ARHGAP29: variants seen among roughly 807,000 people sequenced by gnomAD.
ARHGAP29 encodes the protein Rho GTPase activating protein 29.
In ARHGAP29, 43 loss-of-function variants were observed where a neutral mutation model predicts 122.6. The observed-to-expected ratio is 0.35, with a 90% CI of 0.27 to 0.45. ARHGAP29 has a LOEUF of 0.45. Ranked by LOEUF, ARHGAP29 falls within the 20% of genes least tolerant of loss-of-function variation. The pLI, the probability that ARHGAP29 is intolerant of heterozygous loss-of-function variation, is 1.00. For synonymous variants in ARHGAP29, 506 were observed against 497.1 expected, an observed-to-expected ratio of 1.02 and a Z score of -0.24; for missense variants, 1,303 against 1,477.2, an observed-to-expected ratio of 0.88 and a Z score of 1.93.
At chr1:94,285,915 A>T in the ARHGAP29 span, among the ~76,000 whole-genome samples, 1 of 151,942 alleles carries the variant, frequency 6.6e-6, no homozygotes, top group Non-Finnish European at 1.5e-5. Flanking sequence ...ACTACATTCA[A>T]GCCCCAGTGA....
chr1:94,209,117 C>G, intron 4 of ARHGAP29, 137 bp downstream of exon 4: 1 of 796,722 alleles, frequency 1.3e-6, no homozygotes, highest in Non-Finnish European at 2.0e-6. Context: ...TAAGGCCATA[C>G]AGAAGGTAGT....
At chr1:94,245,926 T>C (rs564117829) in intron 1 of ARHGAP29, among the ~76,000 whole-genome samples, 3 of 151,768 alleles carry the variant, frequency 2.0e-5, no homozygotes, top group Admixed American at 2.0e-4. Context: ...CAAGAGCCTT[T>C]ACATGTGAGG....
chr1:94,202,382 TA>T (rs1650901329), intron 11 of ARHGAP29, 161 bp downstream of exon 11: 4 of 773,418 alleles, frequency 5.2e-6, no homozygotes, highest in Non-Finnish European at 8.2e-6. Context: ...GAGAGCCTAT[TA>T]AAAAATGTTG....
At chr1:94,220,537 G>A (rs1445039521) in intron 2 of ARHGAP29, 145 bp from the exon 3 acceptor site, 1 of 621,848 alleles carries the variant, frequency 1.6e-6, no homozygotes. Flanking sequence ...CTTCACTGCT[G>A]CAATTATATA....
At chr1:94,265,902 T>C (rs1570624271) in intron 1 of ARHGAP29, among the ~76,000 whole-genome samples, 2 of 152,192 alleles carry the variant, frequency 1.3e-5, no homozygotes, top group Non-Finnish European at 1.5e-5. Flanking sequence ...TCTTGGTTCA[T>C]GGGAGCCAAA....
chr1:94,277,876 G>A (rs563326103), upstream of ARHGAP29, among the ~76,000 whole-genome samples: 66 of 152,292 alleles, frequency 4.3e-4, no homozygotes, highest in African/African-American at 1.4e-3. Context: ...ATCAATTGCT[G>A]ATGGGTTCTC....
chr1:94,189,359 C>T lies in ARHGAP29; in HGVS notation c.1440-7G>A, dbSNP rs771709795. The T allele has an allele frequency of 1.9e-6, 3 of 1,600,594 alleles. No individual in the cohort carries two copies. Among genetic ancestry groups the T allele is most frequent in the Admixed American group, 3.5e-5 (2 of 57,284 alleles). On this transcript the variant is annotated splice_polypyrimidine_tract_variant and splice_region_variant and intron_variant, in intron 13 of 22. Transcript: ENST00000260526. ...TAAATGTTTATTTACATTTCTGAAA[C>T]AACAACAATGACAAAAAACAAAACT... is the stretch of plus-strand genomic sequence containing the variant.
At chr1:94,256,534 A>ATTTTT (rs1413770496) in intron 1 of ARHGAP29, among the ~76,000 whole-genome samples, 2 of 78,666 alleles carry the variant, frequency 2.5e-5, no homozygotes, top group African/African-American at 1.1e-4. Flanking sequence ...AACAGTACTA[A>ATTTTT]TCTTTTTTTT....
At chr1:94,197,236 C>T (rs1307522752) in intron 12 of ARHGAP29, among the ~76,000 whole-genome samples, 1 of 151,928 alleles carries the variant, frequency 6.6e-6, no homozygotes, top group Admixed American at 6.6e-5. Context: ...CTACAAGACA[C>T]ACTGTGCACA....
chr1:94,304,567 T>A, the ARHGAP29 span, among the ~76,000 whole-genome samples: 2 of 152,370 alleles, frequency 1.3e-5, no homozygotes, highest in South Asian at 4.1e-4. Flanking sequence ...CAACACATAA[T>A]GTACTGCTTA....
Position 94,179,807 on chromosome 1 carries a change from G to T in ARHGAP29, c.2398C>A (p.Leu800Ile), listed in dbSNP as rs1239187493. ...CTTAGAAGGTCTTTGCTTTTTAGAA[G>T]AATTCGGTTTATTTCTATACACATA... ...PNMCIEINRI[L>I]LKSKDLLRQL... is the part of the protein sequence containing the mutation. The change falls in exon 20 of 23, where the codon CTT becomes ATT. Residue 800 changes from leucine (L) to isoleucine (I), a missense_variant. Around this residue, in one of 3 missense-constraint regions of ARHGAP29, gnomAD observed 620 missense variants for 651.2 expected, o/e 0.95. Coordinates refer to ENST00000260526, the MANE Select transcript of ARHGAP29 (RefSeq NM_004815.4). The T allele has an allele frequency of 1.2e-6, 2 of 1,613,484 alleles. No individual in the cohort carries two copies. The highest frequency in any genetic ancestry group is 1.3e-5 in the African/African-American group (1 of 74,998).
At chr1:94,214,210 T>C (rs1183483865) in intron 3 of ARHGAP29, among the ~76,000 whole-genome samples, 2 of 152,324 alleles carry the variant, frequency 1.3e-5, no homozygotes, top group East Asian at 1.9e-4. Context: ...AGAAAACAAA[T>C]GTGAAGCACC....
Position 94,175,150 on chromosome 1 carries a change from C to T in ARHGAP29, c.2906-401G>A, listed in dbSNP as rs946403925. On this transcript the variant is annotated intron_variant, in intron 22 of 22. Coordinates refer to ENST00000260526, the MANE Select transcript of ARHGAP29 (RefSeq NM_004815.4). ...CCAGATGTAAGTGTGCCCTGAATCC[C>T]AAGGATTTTGCCAACTCACTCAATC... 2.6e-5 allele frequency among the ~76,000 whole-genome samples: 4 copies of T among 152,136 alleles called. 1 individual carries two copies. Among genetic ancestry groups the T allele is most frequent in the Non-Finnish European group, 5.9e-5 (4 of 68,026 alleles).
At chr1:94,184,528 T>C (rs936840676) in intron 18 of ARHGAP29, among the ~76,000 whole-genome samples, 4 of 152,178 alleles carry the variant, frequency 2.6e-5, no homozygotes, top group African/African-American at 9.7e-5. Flanking sequence ...GAAGATCACC[T>C]GAGCCTAGAG....
chr1:94,170,430 T>C lies in ARHGAP29; in HGVS notation c.*3439A>G, dbSNP rs12044374. Among the ~76,000 whole-genome samples, 78,517 of 152,024 alleles carry C rather than the reference T, an allele frequency of 0.52. 21,211 individuals are homozygous for C. The highest frequency in any genetic ancestry group is 0.71 in the Middle Eastern group (209 of 294). ...CAAAGACAAGTCTGAAAAGATGTTC[T>C]GGACTGAATGAAACAAGAGATAGGG... On this transcript the variant is annotated 3_prime_UTR_variant, in exon 23 of 23. Transcript: ENST00000260526.
intron 2 of ARHGAP29, among the ~76,000 whole-genome samples, chr1:94,227,283 A>G (rs892725666): frequency 6.6e-6 from 1 of 151,776 alleles, no homozygotes; most frequent in African/African-American, 2.4e-5. Flanking sequence ...CTTTATAAAT[A>G]GTATAAAGGT....
In ARHGAP29 at chr1:94,188,913, A is replaced by G. The variant is rs2101426659; in HGVS notation, c.1605T>C (p.Phe535=). The G allele has an allele frequency of 6.2e-7, 1 of 1,613,198 alleles. No individual in the cohort carries two copies. Among genetic ancestry groups the G allele is most frequent in the Admixed American group, 1.7e-5 (1 of 59,984 alleles). Residue 535 remains phenylalanine (F), a synonymous_variant, in exon 15 of 23, where the codon TTT becomes TTC. Transcript: ENST00000260526. ...TGPSFIRSWT[F]GMFSDSESTG... ...TGCTCTCAGAATCACTAAACATCCCAAATGTCCATGATCTTATAAAGGAAG... is the reference window on the plus strand; with the variant it reads ...TGCTCTCAGAATCACTAAACATCCCGAATGTCCATGATCTTATAAAGGAAG...
intron 3 of ARHGAP29, among the ~76,000 whole-genome samples, chr1:94,210,940 T>C (rs1298257632): frequency 6.6e-6 from 1 of 150,720 alleles, no homozygotes; most frequent in Non-Finnish European, 1.5e-5. Context: ...ACAAAGGACA[T>C]TACCAGGGAT....
the ARHGAP29 span, chr1:94,302,580 A>G: frequency 5.4e-6 from 2 of 368,430 alleles, no homozygotes; most frequent in East Asian, 8.7e-5. Flanking sequence ...GAAGACTCTC[A>G]TGGCCCCTCT....
Sources: allele counts gnomAD v4.1 joint callset (sites outside exome capture counted in the v4.1 genomes callset), GRCh38; gene constraint gnomAD v4.1.1; regional missense constraint gnomAD v4.1.1; transcripts MANE v1.5; gene names NCBI Gene and HGNC (gene_info 2026-07-23, HGNC 2026-07-21).